RNF220: variants seen among roughly 807,000 people sequenced by gnomAD.
RNF220 encodes E3 ubiquitin-protein ligase RNF220.
In RNF220, 7 loss-of-function variants were observed where a neutral mutation model predicts 67.1. The ratio of observed to expected loss-of-function variants is 0.10; its 90% CI spans 0.06 to 0.20. The LOEUF (loss-of-function observed/expected upper bound fraction) is 0.20. Ranked by LOEUF, RNF220 falls within the 10% of genes least tolerant of loss-of-function variation. The pLI, the probability that RNF220 is intolerant of heterozygous loss-of-function variation, is 1.00. For missense variants in RNF220, 565 were observed against 740.3 expected (o/e 0.76, Z 2.75); for synonymous variants, 270 against 283.2 (o/e 0.95, Z 0.47).
chr1:44,407,197 C>T (rs1647428424), intron 1 of RNF220, among the ~76,000 whole-genome samples: 1 of 152,138 alleles, frequency 6.6e-6, no homozygotes, highest in Admixed American at 6.5e-5. Context: ...GGGAGAGCAC[C>T]GCACTCGCTG....
intron 2 of RNF220, among the ~76,000 whole-genome samples, chr1:44,519,841 G>A (rs1335417713): frequency 6.6e-6 from 1 of 152,114 alleles, no homozygotes; most frequent in Non-Finnish European, 1.5e-5. Flanking sequence ...GGACCAAATT[G>A]TTAAGAGCCT....
chr1:44,475,839 C>T (rs936819032), intron 2 of RNF220, among the ~76,000 whole-genome samples: 2 of 151,286 alleles, frequency 1.3e-5, no homozygotes, highest in Non-Finnish European at 1.5e-5. Context: ...TGGTGAAACC[C>T]TGTCTCTATT....
At chr1:44,419,558 T>C (rs1470860574) in intron 2 of RNF220, 1 of 152,210 alleles carries the variant, frequency 6.6e-6, no homozygotes, top group East Asian at 1.9e-4. Flanking sequence ...ACCAATCATC[T>C]AAAAGGGTTT....
chr1:44,561,251 C>T (rs182161627), intron 2 of RNF220, among the ~76,000 whole-genome samples: 4 of 152,324 alleles, frequency 2.6e-5, no homozygotes, highest in Admixed American at 1.3e-4. Flanking sequence ...GTGGCTCACG[C>T]CTGTAATCCC....
intron 2 of RNF220, among the ~76,000 whole-genome samples, chr1:44,479,693 A>G (rs1299751642): frequency 1.3e-5 from 2 of 152,190 alleles, no homozygotes; most frequent in African/African-American, 4.8e-5. Context: ...TAGCCCCAGG[A>G]TGGATCTTAA....
At chr1:44,595,758 AT>A (rs1666434946) in intron 2 of RNF220, among the ~76,000 whole-genome samples, 2 of 151,620 alleles carry the variant, frequency 1.3e-5, no homozygotes, top group Non-Finnish European at 2.9e-5. Flanking sequence ...TTATTATTTT[AT>A]TTTTATTTAT....
chr1:44,489,473 A>G (rs1426990997), intron 2 of RNF220, among the ~76,000 whole-genome samples: 2 of 152,234 alleles, frequency 1.3e-5, no homozygotes, highest in South Asian at 2.1e-4. Flanking sequence ...AGATTCTGTT[A>G]TACAATTGTT....
chr1:44,606,031 C>G lies in RNF220; in HGVS notation c.626-8134C>G, dbSNP rs1368985296. 6.6e-6 allele frequency among the ~76,000 whole-genome samples: 1 copy of G among 152,206 alleles called. No homozygotes were observed. The highest frequency in any genetic ancestry group is 2.4e-5 in the African/African-American group (1 of 41,440). On this transcript the variant is annotated intron_variant, in intron 2 of 14. Transcript: ENST00000361799. This position sits in a 1 kb window ranked among gnomAD's most constrained non-coding sequence, Gnocchi z 4.2. ...CCCGCCCTACCCCTACCTCCTCAAC[C>G]AGGGATGCCTATTAATCCTGACAAA...
At chr1:44,539,317 A>T (rs1232665451) in intron 2 of RNF220, among the ~76,000 whole-genome samples, 1 of 152,136 alleles carries the variant, frequency 6.6e-6, no homozygotes, top group Non-Finnish European at 1.5e-5. Context: ...TGAGCATCCC[A>T]TCTCAGTCTC....
At chr1:44,566,066 G>C (rs1663983124) in intron 2 of RNF220, among the ~76,000 whole-genome samples, 1 of 152,146 alleles carries the variant, frequency 6.6e-6, no homozygotes, top group South Asian at 2.1e-4. Flanking sequence ...ACTGATAGGA[G>C]CTATTTCCGG....
intron 2 of RNF220, among the ~76,000 whole-genome samples, chr1:44,519,006 A>G (rs1659692514): frequency 6.6e-6 from 1 of 152,244 alleles, no homozygotes; most frequent in Non-Finnish European, 1.5e-5. Flanking sequence ...TAATGAATGA[A>G]CGAACAAATG....
chr1:44,636,400 AG>A, intron 8 of RNF220: 1 of 726,704 alleles, frequency 1.4e-6, no homozygotes, highest in Admixed American at 2.0e-5. Flanking sequence ...GGAGTGACGA[AG>A]GGGGGCTCTC....
chr1:44,642,680 A>C (rs1644521975), intron 8 of RNF220, among the ~76,000 whole-genome samples: 1 of 152,230 alleles, frequency 6.6e-6, no homozygotes. Context: ...TGCGTTGAGA[A>C]GCTGGGGCTT....
intron 2 of RNF220, among the ~76,000 whole-genome samples, chr1:44,507,781 ACT>A (rs1270167260): frequency 2.0e-5 from 3 of 151,530 alleles, no homozygotes; most frequent in Non-Finnish European, 2.9e-5. Flanking sequence ...GACACCAGAA[ACT>A]CTCTTTATGA....
intron 2 of RNF220, among the ~76,000 whole-genome samples, chr1:44,505,082 G>T (rs1658294849): frequency 6.6e-6 from 1 of 152,170 alleles, no homozygotes; most frequent in African/African-American, 2.4e-5. Context: ...TACACTATAT[G>T]TTACTTCCCC....
chr1:44,476,382 A>G (rs1030686517), intron 2 of RNF220, among the ~76,000 whole-genome samples: 1 of 152,252 alleles, frequency 6.6e-6, no homozygotes, highest in Non-Finnish European at 1.5e-5. Context: ...AAGGAAAAGA[A>G]AATAGAAAAG....
chr1:44,610,924 A>T (rs1274661184), intron 2 of RNF220, among the ~76,000 whole-genome samples: 3 of 152,120 alleles, frequency 2.0e-5, no homozygotes, highest in Non-Finnish European at 4.4e-5. Flanking sequence ...GGCCCGTTTT[A>T]TGGCCACTGT....
intron 2 of RNF220, among the ~76,000 whole-genome samples, chr1:44,456,589 C>T (rs925970012): frequency 6.6e-5 from 10 of 152,174 alleles, no homozygotes; most frequent in Non-Finnish European, 1.0e-4. Flanking sequence ...CAAGGAGCTT[C>T]GTAAGTTTTG....
intron 2 of RNF220, among the ~76,000 whole-genome samples, chr1:44,426,185 A>G (rs528854357): frequency 8.1e-4 from 123 of 152,142 alleles, no homozygotes; most frequent in South Asian, 7.3e-3. Context: ...CTCTATTCCT[A>G]TTTTGTGGAG....
Sources: allele counts gnomAD v4.1 joint callset (sites outside exome capture counted in the v4.1 genomes callset), GRCh38; gene constraint gnomAD v4.1.1; non-coding constraint Gnocchi (gnomAD v3.1); transcripts MANE v1.5; gene names NCBI Gene and HGNC (gene_info 2026-07-23, HGNC 2026-07-21).